The following BCL10 variants were observed in gnomAD, a reference collection of about 807,000 sequenced individuals.
BCL10 encodes the protein BCL10 immune signaling adaptor.
BCL10 carries 5 observed loss-of-function variants against 19.2 expected under a neutral mutation model. The ratio of observed to expected loss-of-function variants is 0.26; its 90% CI spans 0.14 to 0.55. The LOEUF is 0.55. BCL10 is among the 20% of genes least tolerant of loss of function. BCL10 has a pLI of 0.94. For missense variants in BCL10, 201 were observed against 271.9 expected (o/e 0.74, Z 1.83); for synonymous variants, 110 against 98.8 (o/e 1.11, Z -0.67).
In BCL10 at chr1:85,267,489, C is replaced by T; in HGVS notation, c.*138G>A. 4.5e-6 allele frequency: 3 copies of T among 666,172 alleles called. No individual in the cohort carries two copies. The highest frequency in any genetic ancestry group is 5.4e-5 in the South Asian group (2 of 37,162). The allele number at this position is 666,172 out of a possible 1,614,324, so 41.3% of individuals were successfully genotyped here. On this transcript the variant is annotated 3_prime_UTR_variant, in exon 3 of 3. Transcript: ENST00000648566. The stretch of plus-strand genomic sequence containing the variant: ...AGTATGCTTTTTTAATTCTAAAAAT[C>T]CTATTTACAAAGTATGCTTACATTG...
rs1221231062 is a variant in BCL10 at position 85,276,535 on chromosome 1, G to A, written c.-183C>T. 3 of 643,956 alleles carry A rather than the reference G, an allele frequency of 4.7e-6. No homozygotes were observed. The highest frequency in any genetic ancestry group is 3.8e-5 in the South Asian group (2 of 52,206). The allele number at this position is 643,956 out of a possible 1,614,324, so 39.9% of individuals were successfully genotyped here. ...CGGGGGTCAAACCGTAGCGCTTCCG[G>A]CCCCGCCTCTGAGGTCGACGGCGAC... On this transcript the variant is annotated 5_prime_UTR_variant, in exon 1 of 3. Coordinates refer to ENST00000648566, the MANE Select transcript of BCL10 (RefSeq NM_003921.5).
chr1:85,269,562 T>TA (rs1206961959), intron 2 of BCL10, among the ~76,000 whole-genome samples: 3 of 152,238 alleles, frequency 2.0e-5, no homozygotes, highest in African/African-American at 7.2e-5. Context: ...TAGATATGGC[T>TA]CAAAAGGGAA....
intron 1 of BCL10, among the ~76,000 whole-genome samples, chr1:85,275,486 T>C (rs974631807): frequency 3.9e-5 from 6 of 152,216 alleles, no homozygotes; most frequent in Admixed American, 1.3e-4. Flanking sequence ...AATGACTTTG[T>C]AAAAGTACTG....
At chr1:85,274,331 T>G (rs982935616) in intron 1 of BCL10, among the ~76,000 whole-genome samples, 1 of 152,232 alleles carries the variant, frequency 6.6e-6, no homozygotes, top group African/African-American at 2.4e-5. Flanking sequence ...TCACTGCACT[T>G]ATTTTGTGAT....
chr1:85,270,727 C>T lies in BCL10; in HGVS notation c.237G>A (p.Leu79=), dbSNP rs368714977. 3.1e-6 allele frequency: 5 copies of T among 1,614,084 alleles called. No individual in the cohort carries two copies. The highest frequency in any genetic ancestry group is 1.7e-5 in the Admixed American group (1 of 60,016). ...GCCGAATAGATTCAACAAGGGTGTC[C>T]AGACCTTTTGGGTTTTCCTGTAAGT... ...LDYLQENPKG[L]DTLVESIRRE... The change falls in exon 2 of 3, where the codon CTG becomes CTA. Residue 79 remains leucine (L), a synonymous_variant. Coordinates refer to ENST00000648566, the MANE Select transcript of BCL10 (RefSeq NM_003921.5).
chr1:85,269,556 T>C (rs1217285096), intron 2 of BCL10, among the ~76,000 whole-genome samples: 4 of 152,226 alleles, frequency 2.6e-5, no homozygotes, highest in Non-Finnish European at 4.4e-5. Context: ...CTTTCTTAGA[T>C]ATGGCTCAAA....
chr1:85,275,122 A>C (rs1660480490), intron 1 of BCL10, among the ~76,000 whole-genome samples: 1 of 152,244 alleles, frequency 6.6e-6, no homozygotes, highest in Admixed American at 6.5e-5. Flanking sequence ...GGAACATAGG[A>C]GGCCTAGCTC....
At position 85,265,918 on chromosome 1, in the gene BCL10, ATTTAAT is replaced by A. The variant is rs1232381087; in HGVS notation, c.*1703_*1708del. Among the ~76,000 whole-genome samples, 3 of 152,196 alleles carry A rather than the reference ATTTAAT, an allele frequency of 2.0e-5. No homozygotes were observed. Among genetic ancestry groups the A allele is most frequent in the African/African-American group, 2.4e-5 (1 of 41,450 alleles). ...TCAATTTTTAAAAAGGTGTCCACAA[ATTTAAT>A]TTTAAAGTCTGCTTCTGCTTTTTAA... On this transcript the variant is annotated 3_prime_UTR_variant, in exon 3 of 3. Coordinates refer to ENST00000648566, the MANE Select transcript of BCL10 (RefSeq NM_003921.5).
chr1:85,270,675 G>A lies in BCL10; in HGVS notation c.289C>T (p.Gln97Ter). ...TTCAGCACTTCATCTGTAATCTTCTGTATCAGGAAGTTCTGTGTTTTTTCT... is the reference window on the plus strand; with the variant it reads ...TTCAGCACTTCATCTGTAATCTTCTATATCAGGAAGTTCTGTGTTTTTTCT... The part of the protein sequence containing the change: ...RREKTQNFLI[Q>*]KITDEVLKLR... The change falls in exon 2 of 3, where the codon CAG becomes TAG. Residue 97 changes from glutamine (Q) to a stop codon, truncating the protein, a stop_gained. Transcript: ENST00000648566. LOFTEE classifies it high-confidence loss of function. 6.2e-7 allele frequency: 1 copy of A among 1,613,110 alleles called. No individual in the cohort carries two copies. The highest frequency in any genetic ancestry group is 8.5e-7 in the Non-Finnish European group (1 of 1,179,614).
intron 2 of BCL10, among the ~76,000 whole-genome samples, chr1:85,268,416 A>T (rs964677534): frequency 6.6e-6 from 1 of 152,244 alleles, no homozygotes; most frequent in African/African-American, 2.4e-5. Flanking sequence ...CTTGAATAAT[A>T]GGATATTAGA....
In BCL10 at chr1:85,267,240, T is replaced by C. The variant is rs991131396; in HGVS notation, c.*387A>G. The C allele has an allele frequency of 2.3e-5, 5 of 218,278 alleles. No individual in the cohort carries two copies. Among genetic ancestry groups the C allele is most frequent in the African/African-American group, 1.1e-4 (5 of 44,360 alleles). 13.5% of individuals were successfully genotyped at this position (218,278 alleles called of 1,614,324 possible). On this transcript the variant is annotated 3_prime_UTR_variant, in exon 3 of 3. Transcript: ENST00000648566. ...TTAATGCTGAAAATTTGCTGCTGAA[T>C]GACTGGCAAAGACTATTAGACTCTT...
Position 85,266,083 on chromosome 1 carries a change from A to C in BCL10, c.*1544T>G, listed in dbSNP as rs1402994979. Among the ~76,000 whole-genome samples, 1 of 152,192 alleles carries C rather than the reference A, an allele frequency of 6.6e-6. No homozygotes were observed. The highest frequency in any genetic ancestry group is 1.5e-5 in the Non-Finnish European group (1 of 68,030). ...AAATCCAATCTTTAAAAATTTTTAA[A>C]GCTAATATGCCAATCTTCTTCATGT... On this transcript the variant is annotated 3_prime_UTR_variant, in exon 3 of 3. Coordinates refer to ENST00000648566, the MANE Select transcript of BCL10 (RefSeq NM_003921.5).
At chr1:85,273,382 T>C (rs1660419184) in intron 1 of BCL10, among the ~76,000 whole-genome samples, 1 of 152,226 alleles carries the variant, frequency 6.6e-6, no homozygotes, top group Non-Finnish European at 1.5e-5. Context: ...TTTCTTCCCA[T>C]CCCTGTGGAT....
intron 1 of BCL10, among the ~76,000 whole-genome samples, chr1:85,274,623 G>T (rs779163276): frequency 9.2e-5 from 14 of 152,156 alleles, no homozygotes; most frequent in Non-Finnish European, 1.9e-4. Context: ...TTTGGGAAAA[G>T]GATAGTAAAA....
At chr1:85,274,603 A>G (rs538713307) in intron 1 of BCL10, among the ~76,000 whole-genome samples, 3 of 152,238 alleles carry the variant, frequency 2.0e-5, no homozygotes, top group Non-Finnish European at 4.4e-5. Flanking sequence ...CAGCAGCAAC[A>G]GTAAGCAACT....
In BCL10 at chr1:85,267,959, G is replaced by C. The variant is rs1250409831; in HGVS notation, c.370C>G (p.Pro124Ala). ...TTGTTCGTGGCTCCATCTGGAAAAG[G>C]TTCACAACTGCTACATTTTAGTCCT... is the stretch of plus-strand genomic sequence containing the variant. ...LKGLKCSSCE[P>A]FPDGATNNLS... The change falls in exon 3 of 3, where the codon CCT (proline) becomes GCT (alanine). Residue 124 changes from proline to alanine, a missense_variant. Physicochemically the swap from Pro to Ala is conservative, Grantham distance 27. Around this residue, in one of 3 missense-constraint regions of BCL10, gnomAD observed 126 missense variants for 136.6 expected, o/e 0.92. Coordinates refer to ENST00000648566, the MANE Select transcript of BCL10 (RefSeq NM_003921.5). 1 of 1,577,280 alleles carries C rather than the reference G, an allele frequency of 6.3e-7. No homozygotes were observed.
intron 1 of BCL10, among the ~76,000 whole-genome samples, chr1:85,272,937 C>A (rs2100750441): frequency 6.6e-6 from 1 of 152,298 alleles, no homozygotes; most frequent in East Asian, 1.9e-4. Context: ...CTTAATCTAT[C>A]ACTACCTTTG....
chr1:85,270,675 G>T lies in BCL10; in HGVS notation c.289C>A (p.Gln97Lys). 1 of 1,613,110 alleles carries T rather than the reference G, an allele frequency of 6.2e-7. No individual in the cohort carries two copies. Among genetic ancestry groups the T allele is most frequent in the Non-Finnish European group, 8.5e-7 (1 of 1,179,614 alleles). ...TTCAGCACTTCATCTGTAATCTTCT[G>T]TATCAGGAAGTTCTGTGTTTTTTCT... ...RREKTQNFLI[Q>K]KITDEVLKLR... Residue 97 changes from glutamine to lysine, a missense_variant, in exon 2 of 3, where the codon CAG becomes AAG. By Grantham distance (53) the Gln-to-Lys change is moderately conservative (BLOSUM62 1). Coordinates refer to ENST00000648566, the MANE Select transcript of BCL10 (RefSeq NM_003921.5).
chr1:85,270,309 G>A (rs563838292), intron 2 of BCL10, among the ~76,000 whole-genome samples: 2 of 152,314 alleles, frequency 1.3e-5, no homozygotes, highest in African/African-American at 4.8e-5. Context: ...GTCTTGCTCT[G>A]TTGCCCAGAC....
Sources: allele counts gnomAD v4.1 joint callset (sites outside exome capture counted in the v4.1 genomes callset), GRCh38; gene constraint gnomAD v4.1.1; regional missense constraint gnomAD v4.1.1; transcripts MANE v1.5; gene names NCBI Gene and HGNC (gene_info 2026-07-23, HGNC 2026-07-21).